Variants in SMG7 observed in about 807,000 individuals in gnomAD.
SMG7 encodes SMG7 nonsense mediated mRNA decay factor.
Under a neutral mutation model 148.2 loss-of-function variants are expected in SMG7, and 34 were observed. The ratio of observed to expected loss-of-function variants is 0.23; its 90% CI spans 0.17 to 0.31. SMG7 has a LOEUF of 0.31. Among genes scored for constraint, SMG7 ranks in the 10% least tolerant of loss-of-function variants. The pLI is 1.00. For missense variants in SMG7, 1,114 were observed against 1,408.4 expected (o/e 0.79, Z 3.35); for synonymous variants, 492 against 515.1 (o/e 0.96, Z 0.61).
At chr1:183,550,665 AGT>A in intron 20 of SMG7, 84 bp from the exon 21 acceptor site, 1 of 1,290,258 alleles carries the variant, frequency 7.8e-7, no homozygotes, top group Non-Finnish European at 1.1e-6. Context: ...GTAGAATTTT[AGT>A]GATCAGATCT....
At chr1:183,498,285 C>T (rs1372134957) in intron 1 of SMG7, among the ~76,000 whole-genome samples, 7 of 152,130 alleles carry the variant, frequency 4.6e-5, no homozygotes, top group Non-Finnish European at 1.0e-4. Flanking sequence ...AATCCCAGCA[C>T]TTTGGGAGGC....
rs1224132930 is a variant in SMG7 at position 183,552,027 on chromosome 1, CTT to C, written c.*99_*100del. ...ACAGTCCCCTGCAGGTGGCAGCCCT[CTT>C]TTCTGTTTCTCGCTGTCAAGAGGGT... On this transcript the variant is annotated 3_prime_UTR_variant, in exon 23 of 23. Coordinates refer to ENST00000688051, the MANE Select transcript of SMG7 (RefSeq NM_001375584.1). 1.1e-5 allele frequency: 15 copies of C among 1,417,800 alleles called. No individual in the cohort carries two copies. The highest frequency in any genetic ancestry group is 4.3e-5 in the African/African-American group (3 of 69,350). The allele number at this position is 1,417,800 out of a possible 1,614,324, so 87.8% of individuals were successfully genotyped here.
rs758493402 is a variant in SMG7 at position 183,544,342 on chromosome 1, A to G, written c.1843-11A>G. ...ATTTATTATAGATAGTTTTGCTTCT[A>G]TTGGTTACAGGTAAAATCCCAGACA... is the stretch of plus-strand genomic sequence containing the variant. On this transcript the variant is annotated splice_polypyrimidine_tract_variant and intron_variant, in intron 14 of 22. Coordinates refer to ENST00000688051, the MANE Select transcript of SMG7 (RefSeq NM_001375584.1). 2.9e-5 allele frequency: 46 copies of G among 1,612,106 alleles called. 1 individual carries two copies. The South Asian group carries it at 3.5e-4, about 12-fold the overall frequency.
In SMG7 at chr1:183,526,673, C is replaced by T; in HGVS notation, c.390C>T (p.Ser130=). The stretch of plus-strand genomic sequence containing the variant: ...AGTCTTCCCAATTGGGAATTATCAG[C>T]AATAAACAGACGCATACCAGCGCCA... ...RVKSSQLGII[S]NKQTHTSAIV... is the part of the protein sequence containing the mutation. The change falls in exon 5 of 23, where the codon AGC becomes AGT. Residue 130 remains serine, a synonymous_variant. Transcript: ENST00000688051. 2 of 1,613,490 alleles carry T rather than the reference C, an allele frequency of 1.2e-6. No individual in the cohort carries two copies. The highest frequency in any genetic ancestry group is 1.7e-6 in the Non-Finnish European group (2 of 1,179,572).
Position 183,544,317 on chromosome 1 carries a change from A to G in SMG7, c.1843-36A>G, listed in dbSNP as rs765433361. The G allele has an allele frequency of 3.5e-5, 56 of 1,585,770 alleles. No individual in the cohort carries two copies. The Middle Eastern group carries it at 5.0e-4, about 14-fold the overall frequency. The stretch of plus-strand genomic sequence containing the variant: ...TTCTTTCTAGCACATTTGAGTTTCA[A>G]TTTATTATAGATAGTTTTGCTTCTA... On this transcript the variant is annotated intron_variant, in intron 14 of 22. Transcript: ENST00000688051.
rs186595837 is a variant in SMG7 at position 183,504,501 on chromosome 1, C to T, written c.30-8336C>T. Among the ~76,000 whole-genome samples the T allele has an allele frequency of 2.5e-4, 38 of 151,960 alleles. No individual in the cohort carries two copies. The East Asian group carries it at 5.4e-3, about 22-fold the overall frequency. On this transcript the variant is annotated intron_variant, in intron 1 of 22. Transcript: ENST00000688051. The stretch of plus-strand genomic sequence containing the variant: ...GATGACAGGCACCCGTCACCATGCC[C>T]GGCTAATTTTTATATTTTTAGTAGA...
At chr1:183,526,836 C>A in intron 5 of SMG7, 69 bp downstream of exon 5, 1 of 1,351,970 alleles carries the variant, frequency 7.4e-7, no homozygotes. Context: ...TAGAAAGAAA[C>A]TGTTTTCCTT....
chr1:183,472,729 C>T, intron 1 of SMG7, 80 bp downstream of exon 1: 1 of 1,270,802 alleles, frequency 7.9e-7, no homozygotes, highest in Admixed American at 3.2e-5. Context: ...CGAGGTAAGT[C>T]CGGGGTGGCG....
At chr1:183,502,796 T>C (rs1369894465) in intron 1 of SMG7, among the ~76,000 whole-genome samples, 2 of 152,206 alleles carry the variant, frequency 1.3e-5, no homozygotes, top group East Asian at 3.8e-4. Context: ...AGCTTGCAGT[T>C]CTGTATGTCA....
intron 1 of SMG7, among the ~76,000 whole-genome samples, chr1:183,486,018 A>T (rs1655332430): frequency 6.6e-6 from 1 of 152,204 alleles, no homozygotes; most frequent in Non-Finnish European, 1.5e-5. Context: ...TCTTTCTTTC[A>T]TATGACTTTA....
In SMG7 at chr1:183,553,892, C is replaced by T. The variant is rs1422956847; in HGVS notation, c.*1961C>T. On this transcript the variant is annotated 3_prime_UTR_variant, in exon 23 of 23. Coordinates refer to ENST00000688051, the MANE Select transcript of SMG7 (RefSeq NM_001375584.1). Reference sequence around the variant, plus strand: ...GATTCTTGCGCCCTAGACAAGCTAACCAGGTTTACCATCTCACTCCCAGTA... The same window carrying T: ...GATTCTTGCGCCCTAGACAAGCTAATCAGGTTTACCATCTCACTCCCAGTA... 1 of 152,626 alleles carries T rather than the reference C, an allele frequency of 6.6e-6. No individual in the cohort carries two copies. The highest frequency in any genetic ancestry group is 2.4e-5 in the African/African-American group (1 of 41,448). The allele number at this position is 152,626 out of a possible 1,614,324, so 9.5% of individuals were successfully genotyped here.
chr1:183,485,321 T>G (rs1206604486), intron 1 of SMG7, among the ~76,000 whole-genome samples: 1 of 152,222 alleles, frequency 6.6e-6, no homozygotes. Context: ...ACATATATAA[T>G]CTGAACACTC....
intron 12 of SMG7, 78 bp from the exon 13 acceptor site, chr1:183,540,906 T>A: frequency 7.2e-7 from 1 of 1,397,674 alleles, no homozygotes; most frequent in Non-Finnish European, 1.0e-6. Context: ...GCCATTACAG[T>A]TAATCAGGTG....
Position 183,472,590 on chromosome 1 carries a change from T to C in SMG7, c.-31T>C, listed in dbSNP as rs1212108831. ...GGAGCCTGAGAGACCCACGGAGGCT[T>C]CGCGGGAAGACGCGGCGGCGGCGGC... On this transcript the variant is annotated 5_prime_UTR_variant, in exon 1 of 23. Transcript: ENST00000688051. The C allele has an allele frequency of 3.5e-6, 5 of 1,432,124 alleles. No individual in the cohort carries two copies. Among genetic ancestry groups the C allele is most frequent in the African/African-American group, 1.5e-5 (1 of 68,644 alleles). 88.7% of individuals were successfully genotyped at this position (1,432,124 alleles called of 1,614,324 possible). A position where few individuals can be genotyped will look rare whatever the true frequency, so the allele number is the denominator to read the frequency against.
Position 183,552,927 on chromosome 1 carries a change from G to T in SMG7, c.*996G>T. ...TCCCTTCTTTTACCCAATGCTGTAT[G>T]CTAGTAATTGTTTTTATTCCTAATG... is the stretch of plus-strand genomic sequence containing the variant. On this transcript the variant is annotated 3_prime_UTR_variant, in exon 23 of 23. Coordinates refer to ENST00000688051, the MANE Select transcript of SMG7 (RefSeq NM_001375584.1). 6.6e-7 allele frequency: 1 copy of T among 1,520,602 alleles called. No individual in the cohort carries two copies. The highest frequency in any genetic ancestry group is 8.8e-7 in the Non-Finnish European group (1 of 1,135,872). 94.2% of individuals were successfully genotyped at this position (1,520,602 alleles called of 1,614,324 possible). A position where few individuals can be genotyped will look rare whatever the true frequency, so the allele number is the denominator to read the frequency against.
rs900111573 is a variant in SMG7, at chr1:183,552,055, G to A, written c.*124G>A. On this transcript the variant is annotated 3_prime_UTR_variant, in exon 23 of 23. Transcript: ENST00000688051. ...TTCTGTTTCTCGCTGTCAAGAGGGT[G>A]TAAGTATTCCACCAGCCCGCTGAGT... The A allele has an allele frequency of 5.1e-6, 7 of 1,371,782 alleles. No homozygotes were observed. The highest frequency in any genetic ancestry group is 6.7e-6 in the Non-Finnish European group (7 of 1,049,930). The allele number at this position is 1,371,782 out of a possible 1,614,324, so 85.0% of individuals were successfully genotyped here.
chr1:183,490,154 A>G (rs955147222), intron 1 of SMG7, among the ~76,000 whole-genome samples: 3 of 152,250 alleles, frequency 2.0e-5, no homozygotes, highest in Admixed American at 6.5e-5. Flanking sequence ...GGTCATTGGT[A>G]ACACTTGAGC....
rs773954961 is a variant in SMG7 at position 183,546,310 on chromosome 1, G to A, written c.2715G>A (p.Gln905=). The A allele has an allele frequency of 6.2e-7, 1 of 1,613,614 alleles. No homozygotes were observed. The highest frequency in any genetic ancestry group is 8.5e-7 in the Non-Finnish European group (1 of 1,179,698). The change falls in exon 17 of 23, where the codon CAG becomes CAA. Residue 905 remains glutamine, a synonymous_variant. Coordinates refer to ENST00000688051, the MANE Select transcript of SMG7 (RefSeq NM_001375584.1). ...CACCAGGAGTCTTCCGTCCAGAGCAGGATCCTGTACCCAGAATGCCGTTTG... is the reference window on the plus strand; with the variant it reads ...CACCAGGAGTCTTCCGTCCAGAGCAAGATCCTGTACCCAGAATGCCGTTTG... The part of the protein sequence containing the change: ...KRSPGVFRPE[Q]DPVPRMPFED...
chr1:183,553,481 TAA>T lies in SMG7; in HGVS notation c.*1551_*1552del. 2.7e-6 allele frequency: 1 copy of T among 365,762 alleles called. No individual in the cohort carries two copies. Among genetic ancestry groups the T allele is most frequent in the Non-Finnish European group, 5.1e-6 (1 of 195,854 alleles). 22.7% of individuals were successfully genotyped at this position (365,762 alleles called of 1,614,324 possible). On this transcript the variant is annotated 3_prime_UTR_variant, in exon 23 of 23. Coordinates refer to ENST00000688051, the MANE Select transcript of SMG7 (RefSeq NM_001375584.1). ...GAGTGTATGGAGTTAGTGTGGAACT[TAA>T]GAGCTGGAAGACAGCTGTAGAGCAA...
Sources: allele counts gnomAD v4.1 joint callset (sites outside exome capture counted in the v4.1 genomes callset), GRCh38; gene constraint gnomAD v4.1.1; transcripts MANE v1.5; gene names NCBI Gene and HGNC (gene_info 2026-07-23, HGNC 2026-07-21).